DCHS2: variants seen among roughly 807,000 people sequenced by gnomAD.
The protein encoded by DCHS2 is protocadherin-23.
Under a neutral mutation model 182.4 loss-of-function variants are expected in DCHS2, and 142 were observed. The ratio of observed to expected loss-of-function variants is 0.78; its 90% CI spans 0.68 to 0.89. DCHS2 has a LOEUF of 0.89. Ranked by LOEUF, DCHS2 falls within the 40% of genes least tolerant of loss-of-function variation. DCHS2 has a pLI of 0.00. For missense variants in DCHS2, 4,319 were observed against 4,198.6 expected (o/e 1.03, Z -0.79); for synonymous variants, 1,740 against 1,663.3 (o/e 1.05, Z -1.12).
chr4:154,406,608 G>A (rs554017617), intron 1 of DCHS2, among the ~76,000 whole-genome samples: 3 of 152,244 alleles, frequency 2.0e-5, no homozygotes, highest in African/African-American at 7.2e-5. Flanking sequence ...GAATGTTAAT[G>A]ACTAAATTCC....
intron 1 of DCHS2, among the ~76,000 whole-genome samples, chr4:154,442,644 A>T (rs4318629): frequency 0.062 from 9,162 of 148,550 alleles, 786 homozygotes; most frequent in African/African-American, 0.2. Flanking sequence ...GGGCTGGAAG[A>T]GAGGTGTATA....
At chr4:154,379,552 T>C (rs1393860432) in intron 1 of DCHS2, among the ~76,000 whole-genome samples, 1 of 152,200 alleles carries the variant, frequency 6.6e-6, no homozygotes, top group Non-Finnish European at 1.5e-5. Flanking sequence ...AGTGCCACTC[T>C]ACTATAGATT....
chr4:154,355,290 T>G (rs898853266), intron 3 of DCHS2, among the ~76,000 whole-genome samples: 2 of 151,528 alleles, frequency 1.3e-5, no homozygotes, highest in African/African-American at 4.8e-5. Context: ...CTCTGCTCAT[T>G]ATATGCTAAT....
chr4:154,444,925 T>C (rs1224543424), intron 1 of DCHS2, among the ~76,000 whole-genome samples: 3 of 152,160 alleles, frequency 2.0e-5, no homozygotes, highest in Non-Finnish European at 2.9e-5. Context: ...CTCAGAGTGT[T>C]TGCGCTTTAC....
At chr4:154,374,389 T>C (rs1296087427) in intron 2 of DCHS2, 4 of 155,294 alleles carry the variant, frequency 2.6e-5, no homozygotes, top group Admixed American at 1.3e-4. Context: ...GATGGCATTA[T>C]ACAATTGTCT....
intron 2 of DCHS2, among the ~76,000 whole-genome samples, chr4:154,375,812 GAAGCATAGCCTAA>G (rs1372135649): frequency 2.0e-5 from 3 of 152,070 alleles, no homozygotes; most frequent in Non-Finnish European, 4.4e-5. Flanking sequence ...AATGTTAAAA[GAAGCATAGCCTAA>G]AATGGATACC....
chr4:154,282,801 G>A (rs1734210798), intron 13 of DCHS2, among the ~76,000 whole-genome samples: 1 of 152,062 alleles, frequency 6.6e-6, no homozygotes, highest in Non-Finnish European at 1.5e-5. Context: ...TGAATGAATG[G>A]ATAGCCAAAA....
At chr4:154,403,785 A>G (rs1417461661) in intron 1 of DCHS2, among the ~76,000 whole-genome samples, 3 of 152,172 alleles carry the variant, frequency 2.0e-5, no homozygotes, top group Non-Finnish European at 4.4e-5. Flanking sequence ...CTATGTCTTA[A>G]GTAGATACAG....
chr4:154,372,053 G>C (rs537950674), intron 2 of DCHS2, among the ~76,000 whole-genome samples: 1 of 152,114 alleles, frequency 6.6e-6, no homozygotes, highest in Non-Finnish European at 1.5e-5. Context: ...ATAATAAATG[G>C]CTTGGATGCT....
chr4:154,319,369 C>T (rs1298405809), intron 9 of DCHS2, among the ~76,000 whole-genome samples: 1 of 151,804 alleles, frequency 6.6e-6, no homozygotes, highest in Non-Finnish European at 1.5e-5. Flanking sequence ...TAAGAAGCTT[C>T]TGCACAGCAA....
chr4:154,445,297 T>C (rs1734234448), intron 1 of DCHS2, among the ~76,000 whole-genome samples: 1 of 152,248 alleles, frequency 6.6e-6, no homozygotes, highest in African/African-American at 2.4e-5. Flanking sequence ...AAATCAATCT[T>C]GTCTTCATGC....
chr4:154,411,236 A>G (rs1732618534), intron 1 of DCHS2, among the ~76,000 whole-genome samples: 1 of 86,288 alleles, frequency 1.2e-5, no homozygotes, highest in Non-Finnish European at 2.2e-5. Flanking sequence ...AGGGTAGAAT[A>G]GGGATGGGTT....
intron 1 of DCHS2, among the ~76,000 whole-genome samples, chr4:154,476,978 G>A (rs1252851883): frequency 6.6e-6 from 1 of 152,130 alleles, no homozygotes; most frequent in Non-Finnish European, 1.5e-5. Context: ...GCTGGGGAAG[G>A]GGAGACTCAT....
At chr4:154,352,315 T>C (rs1729658815) in intron 3 of DCHS2, 1 of 152,174 alleles carries the variant, frequency 6.6e-6, no homozygotes, top group Non-Finnish European at 1.5e-5. Context: ...ACAGCTTGCT[T>C]TATCCTCATT....
chr4:154,276,542 C>G (rs1046166938), intron 13 of DCHS2, among the ~76,000 whole-genome samples: 4 of 152,158 alleles, frequency 2.6e-5, no homozygotes, highest in African/African-American at 9.6e-5. Flanking sequence ...TATTCCTAAG[C>G]AATGCCAACA....
At chr4:154,314,430 G>C (rs140671893) in intron 10 of DCHS2, among the ~76,000 whole-genome samples, 1 of 152,048 alleles carries the variant, frequency 6.6e-6, no homozygotes, top group Non-Finnish European at 1.5e-5. Context: ...AGCATGCTTC[G>C]GACTCAACTC....
intron 7 of DCHS2, chr4:154,323,470 C>T (rs1014078073): frequency 3.4e-6 from 4 of 1,191,904 alleles, no homozygotes; most frequent in East Asian, 5.1e-5. Flanking sequence ...GCTGGGACTA[C>T]AGGCATGGGC....
intron 1 of DCHS2, among the ~76,000 whole-genome samples, chr4:154,389,393 C>T (rs1731566943): frequency 6.6e-6 from 1 of 151,628 alleles, no homozygotes; most frequent in Admixed American, 6.6e-5. Context: ...AATACCACTT[C>T]AGAATGACCT....
At chr4:154,353,718 C>A (rs968923453) in intron 3 of DCHS2, among the ~76,000 whole-genome samples, 1 of 152,220 alleles carries the variant, frequency 6.6e-6, no homozygotes, top group Non-Finnish European at 1.5e-5. Flanking sequence ...CGAAGTGCTA[C>A]GCTATTTGTT....
Sources: allele counts gnomAD v4.1 joint callset (sites outside exome capture counted in the v4.1 genomes callset), GRCh38; gene constraint gnomAD v4.1.1; transcripts MANE v1.5; gene names NCBI Gene and HGNC (gene_info 2026-07-23, HGNC 2026-07-21).